The following RAD50 variants were observed in gnomAD, a reference collection of about 807,000 sequenced individuals.
The protein encoded by RAD50 is DNA repair protein RAD50.
RAD50 carries 132 observed loss-of-function variants against 168.8 expected under a neutral mutation model. That is an observed-to-expected ratio of 0.78 (90% CI 0.68 to 0.90). The LOEUF (loss-of-function observed/expected upper bound fraction) is 0.90. Ranked by LOEUF, RAD50 falls within the 40% of genes least tolerant of loss-of-function variation. RAD50 has a pLI of 0.00. For synonymous variants in RAD50, 525 were observed against 497.4 expected (o/e 1.06, Z -0.74); for missense variants, 1,347 against 1,534.4 (o/e 0.88, Z 2.04).
At position 132,642,418 on chromosome 5, in the gene RAD50, T is replaced by G. The variant is rs1751749124; in HGVS notation, c.*54T>G. On this transcript the variant is annotated 3_prime_UTR_variant, in exon 25 of 25. Transcript: ENST00000378823. ...ATGTAGGTCCTCAGAAAGTGTATAA[T>G]AAGAAACTTATTTCTCATATCAACT... 6.2e-6 allele frequency: 9 copies of G among 1,456,198 alleles called. No individual in the cohort carries two copies. Among genetic ancestry groups the G allele is most frequent in the South Asian group, 2.4e-5 (2 of 84,070 alleles). The allele number at this position is 1,456,198 out of a possible 1,614,324, so 90.2% of individuals were successfully genotyped here. A position where few individuals can be genotyped will look rare whatever the true frequency, so the allele number is the denominator to read the frequency against.
chr5:132,619,268 A>G (rs1002188706), intron 21 of RAD50, among the ~76,000 whole-genome samples: 5 of 152,218 alleles, frequency 3.3e-5, no homozygotes, highest in Non-Finnish European at 5.9e-5. Context: ...AGAAATGACT[A>G]CTGATTTATA....
At position 132,604,928 on chromosome 5, in the gene RAD50, C is replaced by T. The variant is rs138749920; in HGVS notation, c.2647C>T (p.Arg883Cys). 512 of 1,613,882 alleles carry T rather than the reference C, an allele frequency of 3.2e-4. 3 individuals carry two copies. Among genetic ancestry groups the T allele is most frequent in the Middle Eastern group, 1.6e-3 (10 of 6,062 alleles). The change falls in exon 16 of 25, where the codon CGT becomes TGT. Residue 883 changes from arginine (R) to cysteine (C), a missense_variant. Arg to Cys is a radical substitution (Grantham distance 180). This residue lies in a region of RAD50 where 635 missense variants were observed against 739.2 expected (regional missense o/e 0.86). Coordinates refer to ENST00000378823, the MANE Select transcript of RAD50 (RefSeq NM_005732.4). ...ACTTCAGATATCCACTAATTTGCAA[C>T]GTCGTCAGCAACTGGAGGAGCAGAC... The part of the protein sequence containing the change: ...EKLQISTNLQ[R>C]RQQLEEQTVE...
Position 132,608,475 on chromosome 5 carries a change from A to G in RAD50, c.2719-140A>G, listed in dbSNP as rs138031967. ...GACTGAAAATGATGGTACTGTCCTC[A>G]TAGGGTCATTGAAAGGAGCAAATGA... On this transcript the variant is annotated intron_variant, in intron 16 of 24. Coordinates refer to ENST00000378823, the MANE Select transcript of RAD50 (RefSeq NM_005732.4). 4.7e-4 allele frequency: 305 copies of G among 653,486 alleles called. 3 individuals are homozygous for G. In the East Asian group the frequency reaches 7.7e-3, roughly 16 times the overall value. The allele number at this position is 653,486 out of a possible 1,614,324, so 40.5% of individuals were successfully genotyped here.
chr5:132,580,540 A>T (rs1750486956), intron 5 of RAD50, among the ~76,000 whole-genome samples: 1 of 152,212 alleles, frequency 6.6e-6, no homozygotes, highest in South Asian at 2.1e-4. Flanking sequence ...TAATATTTTT[A>T]AAAATTGACA....
At chr5:132,601,879 A>G (rs1750895366) in intron 13 of RAD50, among the ~76,000 whole-genome samples, 1 of 152,218 alleles carries the variant, frequency 6.6e-6, no homozygotes, top group Non-Finnish European at 1.5e-5. Context: ...ACACAGGAGC[A>G]GAAAACCAAA....
intron 9 of RAD50, 70 bp from the exon 10 acceptor site, chr5:132,591,154 C>T (rs866160579): frequency 1.0e-5 from 15 of 1,445,166 alleles, no homozygotes; most frequent in South Asian, 3.5e-5. Context: ...ATTTCTAATA[C>T]ACTTTGTCAT....
At chr5:132,594,694 G>T (rs531736663) in intron 11 of RAD50, among the ~76,000 whole-genome samples, 175 bp from the exon 12 acceptor site, 1 of 152,254 alleles carries the variant, frequency 6.6e-6, no homozygotes, top group East Asian at 1.9e-4. Context: ...CAGTGTCCTA[G>T]GGGGAGAGTT....
intron 20 of RAD50, 68 bp from the exon 21 acceptor site, chr5:132,618,002 T>C: frequency 7.9e-7 from 1 of 1,267,318 alleles, no homozygotes; most frequent in Non-Finnish European, 1.2e-6. Context: ...AAGAAATCTA[T>C]GACTTTTCCA....
intron 4 of RAD50, 137 bp downstream of exon 4, chr5:132,579,639 T>C (rs527424009): frequency 2.2e-6 from 2 of 901,602 alleles, no homozygotes; most frequent in East Asian, 2.6e-5. Flanking sequence ...GCAGCAACCA[T>C]TGGGCATATT....
intron 2 of RAD50, among the ~76,000 whole-genome samples, chr5:132,573,357 A>G (rs1348684469): frequency 6.6e-6 from 1 of 152,204 alleles, no homozygotes; most frequent in Non-Finnish European, 1.5e-5. Flanking sequence ...ACATGGTGGC[A>G]AATGAGAGCT....
chr5:132,595,420 C>A, intron 12 of RAD50, 153 bp from the exon 13 acceptor site: 1 of 506,764 alleles, frequency 2.0e-6, no homozygotes, highest in Non-Finnish European at 3.2e-6. Context: ...AAGCGAATAT[C>A]GGAATTTTAA....
chr5:132,578,979 A>G (rs1403637219), intron 3 of RAD50, among the ~76,000 whole-genome samples: 1 of 152,096 alleles, frequency 6.6e-6, no homozygotes, highest in African/African-American at 2.4e-5. Flanking sequence ...ATTGATCATC[A>G]TGTTTTGTTT....
intron 3 of RAD50, among the ~76,000 whole-genome samples, chr5:132,576,470 T>C (rs1197443400): frequency 6.6e-6 from 1 of 152,248 alleles, no homozygotes; most frequent in Non-Finnish European, 1.5e-5. Context: ...TCTCTGTCTT[T>C]GTTGAGCAAA....
chr5:132,620,159 C>T (rs1261064994), intron 21 of RAD50, among the ~76,000 whole-genome samples: 1 of 152,116 alleles, frequency 6.6e-6, no homozygotes, highest in Non-Finnish European at 1.5e-5. Flanking sequence ...CCTGTATTGG[C>T]CTCCCAAAGT....
chr5:132,613,594 C>CTTTT (rs869151568), intron 19 of RAD50, among the ~76,000 whole-genome samples: 2,293 of 111,052 alleles, frequency 0.021, 145 homozygotes, highest in African/African-American at 0.081. Context: ...TCACAATAGT[C>CTTTT]TTTTTTTTTT....
At position 132,579,874 on chromosome 5, in the gene RAD50, C is replaced by T. The variant is rs786203782; in HGVS notation, c.564C>T (p.Ala188=). Residue 188 remains alanine, a synonymous_variant, in exon 5 of 25, where the codon GCC becomes GCT. Coordinates refer to ENST00000378823, the MANE Select transcript of RAD50 (RefSeq NM_005732.4). The part of the protein sequence containing the change: ...EIFSATRYIK[A]LETLRQVRQT... The stretch of plus-strand genomic sequence containing the variant: ...CATATCTTCAAAGATACATTAAAGC[C>T]TTAGAAACACTTCGGCAGGTACGTC... 1.2e-6 allele frequency: 2 copies of T among 1,611,460 alleles called. No homozygotes were observed.
chr5:132,570,953 G>A (rs991054651), intron 2 of RAD50, among the ~76,000 whole-genome samples: 3 of 152,130 alleles, frequency 2.0e-5, no homozygotes, highest in Non-Finnish European at 4.4e-5. Context: ...CTTAGGGGCT[G>A]TTGTAGGGTT....
At chr5:132,589,603 A>T in intron 8 of RAD50, 28 bp from the exon 9 acceptor site, 1 of 1,485,930 alleles carries the variant, frequency 6.7e-7, no homozygotes, top group Non-Finnish European at 9.1e-7. Flanking sequence ...GTAAATTATT[A>T]ATGCTCATTC....
At chr5:132,595,952 T>G in intron 13 of RAD50, 142 bp downstream of exon 13, 1 of 772,912 alleles carries the variant, frequency 1.3e-6, no homozygotes, top group Non-Finnish European at 2.2e-6. Flanking sequence ...GATAAGAAGA[T>G]TCAATTATTT....
Sources: gnomAD v4.1 joint callset for allele counts (sites outside exome capture counted in the v4.1 genomes callset) on GRCh38, gnomAD v4.1.1 for gene constraint, gnomAD v4.1.1 regional missense constraint, MANE v1.5 for transcripts, NCBI Gene and HGNC (gene_info 2026-07-23, HGNC 2026-07-21) for gene names.